TMEM163: variants seen among roughly 807,000 people sequenced by gnomAD.
TMEM163 encodes transmembrane protein 163.
Under a neutral mutation model 29.3 loss-of-function variants are expected in TMEM163, and 17 were observed. That is an observed-to-expected ratio of 0.58 (90% CI 0.40 to 0.87). The LOEUF (loss-of-function observed/expected upper bound fraction) is 0.87. Ranked by LOEUF, TMEM163 falls within the 40% of genes least tolerant of loss-of-function variation. TMEM163 has a pLI of 0.00. For synonymous variants in TMEM163, 157 were observed against 160.6 expected (o/e 0.98, Z 0.17); for missense variants, 303 against 381.5 (o/e 0.79, Z 1.71).
At chr2:134,646,705 A>G (rs2104844179) in intron 2 of TMEM163, among the ~76,000 whole-genome samples, 1 of 152,250 alleles carries the variant, frequency 6.6e-6, no homozygotes, top group African/African-American at 2.4e-5. Context: ...TCAGCCTCCC[A>G]AAGTGCTAGG....
chr2:134,568,914 A>G (rs1418388025), intron 2 of TMEM163, among the ~76,000 whole-genome samples: 1 of 152,198 alleles, frequency 6.6e-6, no homozygotes, highest in African/African-American at 2.4e-5. Context: ...ATCTGTCACA[A>G]GAACAAACAT....
intron 2 of TMEM163, among the ~76,000 whole-genome samples, chr2:134,692,330 C>A (rs1485537914): frequency 6.6e-6 from 1 of 152,200 alleles, no homozygotes; most frequent in South Asian, 2.1e-4. Context: ...TCATTTGTTA[C>A]AACAGCCAGA....
chr2:134,570,586 C>G (rs1681400880), intron 2 of TMEM163, among the ~76,000 whole-genome samples: 2 of 151,654 alleles, frequency 1.3e-5, no homozygotes. Context: ...CTCTTTTTTT[C>G]TAAGGAGGGG....
At chr2:134,630,087 G>C (rs1574293538) in intron 2 of TMEM163, among the ~76,000 whole-genome samples, 1 of 152,172 alleles carries the variant, frequency 6.6e-6, no homozygotes, top group East Asian at 1.9e-4. Context: ...TGTCAGGACT[G>C]TTCACGGTGC....
At chr2:134,705,950 G>A (rs577008312) in intron 2 of TMEM163, among the ~76,000 whole-genome samples, 3 of 152,322 alleles carry the variant, frequency 2.0e-5, no homozygotes, top group Admixed American at 6.5e-5. Flanking sequence ...CTGTGTCACC[G>A]CCACGGCTGT....
chr2:134,462,857 G>T (rs1220215226), intron 6 of TMEM163, among the ~76,000 whole-genome samples: 1 of 152,250 alleles, frequency 6.6e-6, no homozygotes, highest in Non-Finnish European at 1.5e-5. Flanking sequence ...TGGGCAGGGT[G>T]GGGCCAGGGA....
chr2:134,560,626 T>C (rs910008205), intron 2 of TMEM163, among the ~76,000 whole-genome samples: 2 of 152,060 alleles, frequency 1.3e-5, no homozygotes, highest in African/African-American at 4.8e-5. Context: ...GGCAAAGATC[T>C]AGGATTAAGG....
At chr2:134,530,432 T>C (rs1400787547) in intron 4 of TMEM163, among the ~76,000 whole-genome samples, 2 of 152,144 alleles carry the variant, frequency 1.3e-5, no homozygotes, top group Non-Finnish European at 2.9e-5. Flanking sequence ...TGCAACACCA[T>C]GCCCAGCTAA....
intron 2 of TMEM163, among the ~76,000 whole-genome samples, chr2:134,641,607 T>C (rs72970171): frequency 0.014 from 2,144 of 152,044 alleles, 45 homozygotes; most frequent in African/African-American, 0.049. Flanking sequence ...TACAAAGACA[T>C]AGTCAAAAGC....
chr2:134,516,686 C>CAT (rs1558930282), intron 4 of TMEM163, among the ~76,000 whole-genome samples: 1 of 134,410 alleles, frequency 7.4e-6, no homozygotes, highest in East Asian at 2.2e-4. Flanking sequence ...TACATATATG[C>CAT]ATATATATGC....
intron 4 of TMEM163, among the ~76,000 whole-genome samples, chr2:134,529,979 G>A (rs1397253176): frequency 6.6e-6 from 1 of 152,046 alleles, no homozygotes; most frequent in East Asian, 1.9e-4. Flanking sequence ...GAAGGAAAGG[G>A]CTGGCATCAG....
chr2:134,574,764 G>A (rs1189529757), intron 2 of TMEM163, among the ~76,000 whole-genome samples: 2 of 152,168 alleles, frequency 1.3e-5, no homozygotes, highest in African/African-American at 4.8e-5. Flanking sequence ...TTTCCCAGCT[G>A]CAAGGAAGGA....
At chr2:134,596,213 C>G (rs1341125342) in intron 2 of TMEM163, among the ~76,000 whole-genome samples, 1 of 152,126 alleles carries the variant, frequency 6.6e-6, no homozygotes. Context: ...ATGGTATTGC[C>G]TAGGTTTTCT....
rs969412388 is a variant in TMEM163 at position 134,485,777 on chromosome 2, A to C, written c.555+17124T>G. ...GAAAGCAAATCAACAGGTCTGATCC[A>C]CAGAATCAAACACTTCTTCAGAAAC... On this transcript the variant is annotated intron_variant, in intron 5 of 7. Coordinates refer to ENST00000281924, the MANE Select transcript of TMEM163 (RefSeq NM_030923.5). 1.1e-4 allele frequency among the ~76,000 whole-genome samples: 17 copies of C among 152,250 alleles called. No individual in the cohort carries two copies. The East Asian group carries it at 3.3e-3, about 29-fold the overall frequency.
chr2:134,662,941 C>T (rs1558983327), intron 2 of TMEM163, among the ~76,000 whole-genome samples: 2 of 152,182 alleles, frequency 1.3e-5, no homozygotes, highest in Non-Finnish European at 2.9e-5. Flanking sequence ...TCCATGCCCA[C>T]CCCACCAGTT....
intron 2 of TMEM163, among the ~76,000 whole-genome samples, chr2:134,565,338 G>A (rs1161208042): frequency 1.3e-5 from 2 of 152,054 alleles, no homozygotes; most frequent in Non-Finnish European, 2.9e-5. Flanking sequence ...GGGTGCAGTG[G>A]CTCATGCCTG....
intron 4 of TMEM163, among the ~76,000 whole-genome samples, chr2:134,516,841 ACT>A (rs561814732): frequency 5.0e-4 from 71 of 142,326 alleles, no homozygotes; most frequent in African/African-American, 1.7e-3. Flanking sequence ...AAGAGGCCAA[ACT>A]CTGTCTACGG....
intron 4 of TMEM163, among the ~76,000 whole-genome samples, chr2:134,539,733 C>T (rs911508095): frequency 6.6e-6 from 1 of 152,182 alleles, no homozygotes; most frequent in African/African-American, 2.4e-5. Context: ...GTAGCAAACA[C>T]ACTGGACAAA....
chr2:134,481,327 C>T (rs1002217212), intron 5 of TMEM163, among the ~76,000 whole-genome samples: 2 of 151,660 alleles, frequency 1.3e-5, no homozygotes, highest in African/African-American at 4.9e-5. Context: ...CTGTAACTAC[C>T]ACAATTCCCA....
Sources: gnomAD v4.1 joint callset for allele counts (sites outside exome capture counted in the v4.1 genomes callset) on GRCh38, gnomAD v4.1.1 for gene constraint, MANE v1.5 for transcripts, NCBI Gene and HGNC (gene_info 2026-07-23, HGNC 2026-07-21) for gene names.